SGO2: variants seen among roughly 807,000 people sequenced by gnomAD.
SGO2 encodes shugoshin 2, also known as shugoshin-like 2.
In SGO2, 68 loss-of-function variants were observed where a neutral mutation model predicts 99.5. The ratio of observed to expected loss-of-function variants is 0.68; its 90% CI spans 0.56 to 0.84. SGO2 has a LOEUF of 0.84. SGO2 is among the 40% of genes least tolerant of loss of function. SGO2 has a pLI of 0.00. For synonymous variants in SGO2, 457 were observed against 487.1 expected (o/e 0.94, Z 0.81); for missense variants, 1,350 against 1,436.7 (o/e 0.94, Z 0.97).
At chr2:200,528,419 C>T (rs754339488) in intron 1 of SGO2, among the ~76,000 whole-genome samples, 84 of 152,096 alleles carry the variant, frequency 5.5e-4, no homozygotes, top group Non-Finnish European at 2.8e-4. Flanking sequence ...ATTGTGAAAG[C>T]TGGGTCAGCA....
At chr2:200,565,004 ACTCTT>A (rs1164465372) in intron 5 of SGO2, among the ~76,000 whole-genome samples, 2 of 151,862 alleles carry the variant, frequency 1.3e-5, no homozygotes, top group African/African-American at 2.4e-5. Flanking sequence ...ATGGGTCTTG[ACTCTT>A]TATCCAATTT....
rs561626034 is a variant in SGO2 at position 200,569,713 on chromosome 2, A to T, written c.524A>T (p.Gln175Leu). The T allele has an allele frequency of 1.2e-6, 2 of 1,612,596 alleles. No individual in the cohort carries two copies. Among genetic ancestry groups the T allele is most frequent in the African/African-American group, 2.7e-5 (2 of 74,996 alleles). The change falls in exon 6 of 9, where the codon CAG becomes CTG. Residue 175 changes from glutamine (Q) to leucine (L), a missense_variant. By Grantham distance (113) the Gln-to-Leu change is moderately radical. Transcript: ENST00000357799. ...GAAGATGAAGATAAAGAGAAAATGCAGTGTGACAACAATATTAAATCAAAG... is the reference window on the plus strand; with the variant it reads ...GAAGATGAAGATAAAGAGAAAATGCTGTGTGACAACAATATTAAATCAAAG... ...DDEDEDKEKM[Q>L]CDNNIKSKTL...
At chr2:200,548,028 C>T (rs13018042) in intron 5 of SGO2, among the ~76,000 whole-genome samples, 8,283 of 150,410 alleles carry the variant, frequency 0.055, 315 homozygotes, top group East Asian at 0.15. Context: ...GAGAGAGAGA[C>T]TGCAATACAG....
Position 200,571,071 on chromosome 2 carries a change from A to G in SGO2, c.725A>G (p.Gln242Arg). The change falls in exon 7 of 9, where the codon CAA (glutamine) becomes CGA (arginine). Residue 242 changes from glutamine to arginine, a missense_variant. Physicochemically the swap from Gln to Arg is conservative, Grantham distance 43. Transcript: ENST00000357799. ...PPRESHSHSD[Q>R]SSKTSLMSEM... ...ATAGAAAGCCATTCCCACTCAGACCAAAGTTCTAAGACTTCTCTAATGAGT... is the reference window on the plus strand; with the variant it reads ...ATAGAAAGCCATTCCCACTCAGACCGAAGTTCTAAGACTTCTCTAATGAGT... 6.3e-7 allele frequency: 1 copy of G among 1,581,720 alleles called. No homozygotes were observed. The highest frequency in any genetic ancestry group is 2.2e-5 in the East Asian group (1 of 44,500).
chr2:200,551,140 A>T (rs1047669198), intron 5 of SGO2, among the ~76,000 whole-genome samples: 1 of 152,196 alleles, frequency 6.6e-6, no homozygotes, highest in African/African-American at 2.4e-5. Flanking sequence ...ATATATCCAA[A>T]AAAAAAGGAA....
At chr2:200,580,294 TTTA>T (rs568276993) in intron 8 of SGO2, among the ~76,000 whole-genome samples, 1 of 152,268 alleles carries the variant, frequency 6.6e-6, no homozygotes, top group Admixed American at 6.5e-5. Context: ...ACCTATATCA[TTTA>T]TTATTTTTTG....
intron 4 of SGO2, among the ~76,000 whole-genome samples, chr2:200,539,152 G>A (rs533395227): frequency 6.6e-6 from 1 of 152,228 alleles, no homozygotes; most frequent in East Asian, 1.9e-4. Flanking sequence ...TCTGATGAGA[G>A]TGATAGTAGC....
chr2:200,571,768 C>T lies in SGO2; in HGVS notation c.1422C>T (p.Thr474=). Residue 474 remains threonine (T), a synonymous_variant, in exon 7 of 9, where the codon ACC becomes ACT. Transcript: ENST00000357799. ...AGGTGAATGAACTAAAGAAAATGAC[C>T]CTTCAAACTGGCTTTGAACAAGGTG... The part of the protein sequence containing the change: ...LAQVNELKKM[T]LQTGFEQGDR... 1 of 1,613,458 alleles carries T rather than the reference C, an allele frequency of 6.2e-7. No homozygotes were observed.
At chr2:200,550,206 C>G (rs1157898072) in intron 5 of SGO2, among the ~76,000 whole-genome samples, 1 of 151,508 alleles carries the variant, frequency 6.6e-6, no homozygotes, top group African/African-American at 2.4e-5. Flanking sequence ...AATAGGACAC[C>G]AAAAAAGGGA....
intron 8 of SGO2, among the ~76,000 whole-genome samples, chr2:200,580,854 C>T (rs2033819878): frequency 6.6e-6 from 1 of 151,948 alleles, no homozygotes; most frequent in African/African-American, 2.4e-5. Flanking sequence ...AAATAGAACA[C>T]ACACAAAAAA....
intron 5 of SGO2, among the ~76,000 whole-genome samples, chr2:200,569,110 C>G (rs1272846499): frequency 6.6e-6 from 1 of 151,980 alleles, no homozygotes; most frequent in Admixed American, 6.6e-5. Context: ...ACTCTTCATT[C>G]TTTGAATTCA....
chr2:200,576,154 A>C, intron 8 of SGO2: 1 of 336,500 alleles, frequency 3.0e-6, no homozygotes. Context: ...AATAACCAGC[A>C]GATGGCAGTA....
At chr2:200,537,515 T>C (rs2031747994) in intron 4 of SGO2, among the ~76,000 whole-genome samples, 1 of 152,150 alleles carries the variant, frequency 6.6e-6, no homozygotes, top group Non-Finnish European at 1.5e-5. Flanking sequence ...TTGGTTCTTC[T>C]ATTGACTTCA....
intron 5 of SGO2, among the ~76,000 whole-genome samples, chr2:200,545,167 C>T (rs953693782): frequency 9.9e-5 from 15 of 152,090 alleles, no homozygotes; most frequent in Admixed American, 5.2e-4. Flanking sequence ...CCATCATGCC[C>T]GGCTAATTTT....
At position 200,569,700 on chromosome 2, in the gene SGO2, A is replaced by G; in HGVS notation, c.511A>G (p.Lys171Glu). 6.2e-7 allele frequency: 1 copy of G among 1,611,532 alleles called. No homozygotes were observed. Among genetic ancestry groups the G allele is most frequent in the South Asian group, 1.1e-5 (1 of 90,462 alleles). ...TTCAAATGATGATGAAGATGAAGATAAAGAGAAAATGCAGTGTGACAACAA... is the reference window on the plus strand; with the variant it reads ...TTCAAATGATGATGAAGATGAAGATGAAGAGAAAATGCAGTGTGACAACAA... Reference protein sequence around the residue: ...LTSNDDEDEDKEKMQCDNNIK... With the variant: ...LTSNDDEDEDEEKMQCDNNIK... Residue 171 changes from lysine to glutamate, a missense_variant, in exon 6 of 9, where the codon AAA becomes GAA. Physicochemically the swap from Lys to Glu is moderately conservative, Grantham distance 56. Transcript: ENST00000357799.
intron 5 of SGO2, among the ~76,000 whole-genome samples, chr2:200,559,043 TC>T (rs2032838255): frequency 6.6e-6 from 1 of 152,212 alleles, no homozygotes. Flanking sequence ...CCTCAGGTGA[TC>T]CACCTGCCTC....
At chr2:200,579,122 C>T (rs2033757290) in intron 8 of SGO2, among the ~76,000 whole-genome samples, 1 of 152,162 alleles carries the variant, frequency 6.6e-6, no homozygotes, top group Non-Finnish European at 1.5e-5. Context: ...AACCACTGGT[C>T]TATAAGTATT....
At chr2:200,539,137 A>T (rs529622992) in intron 4 of SGO2, among the ~76,000 whole-genome samples, 2 of 152,226 alleles carry the variant, frequency 1.3e-5, no homozygotes, top group South Asian at 4.1e-4. Flanking sequence ...TGGACCTGGG[A>T]CTTTTCTGAT....
intron 5 of SGO2, among the ~76,000 whole-genome samples, chr2:200,554,225 G>A (rs556291604): frequency 8.5e-5 from 13 of 152,048 alleles, no homozygotes; most frequent in Non-Finnish European, 1.5e-4. Context: ...GCTGTAAATA[G>A]CTCAAAAGAA....
Sources: gnomAD v4.1 joint callset for allele counts (sites outside exome capture counted in the v4.1 genomes callset) on GRCh38, gnomAD v4.1.1 for gene constraint, MANE v1.5 for transcripts, NCBI Gene and HGNC (gene_info 2026-07-23, HGNC 2026-07-21) for gene names.